The following CACNA1E variants were observed in gnomAD, a reference collection of about 807,000 sequenced individuals.
CACNA1E encodes the protein calcium voltage-gated channel subunit alpha1 E.
CACNA1E carries 40 observed loss-of-function variants against 259.2 expected under a neutral mutation model. The ratio of observed to expected loss-of-function variants is 0.15; its 90% CI spans 0.12 to 0.20. The LOEUF (loss-of-function observed/expected upper bound fraction) is 0.20. Among genes scored for constraint, CACNA1E ranks in the 10% least tolerant of loss-of-function variants. The pLI, the probability that CACNA1E is intolerant of heterozygous loss-of-function variation, is 1.00. For synonymous variants in CACNA1E, 1,104 were observed against 1,138.5 expected, an observed-to-expected ratio of 0.97 and a Z score of 0.61; for missense variants, 1,874 against 3,040.1, an observed-to-expected ratio of 0.62 and a Z score of 9.02.
intron 25 of CACNA1E, among the ~76,000 whole-genome samples, chr1:181,740,478 G>A (rs1287627162): frequency 1.3e-5 from 2 of 152,054 alleles, no homozygotes; most frequent in Non-Finnish European, 1.5e-5. Context: ...AAAAACAGGT[G>A]GGATAAAAAT....
chr1:181,482,145 G>C (rs549998734), upstream of CACNA1E, among the ~76,000 whole-genome samples: 36 of 152,346 alleles, frequency 2.4e-4, no homozygotes, highest in Admixed American at 1.0e-3. Flanking sequence ...GATGGGGAGA[G>C]GGTTCTGCCC....
chr1:181,540,048 C>T (rs1432359717), intron 3 of CACNA1E, among the ~76,000 whole-genome samples: 2 of 152,142 alleles, frequency 1.3e-5, no homozygotes, highest in Non-Finnish European at 2.9e-5. Flanking sequence ...ATGAACACCT[C>T]CTATTTGGGT....
chr1:181,331,022 G>A (rs780555891), intron 1 of CACNA1E, among the ~76,000 whole-genome samples: 9 of 152,310 alleles, frequency 5.9e-5, no homozygotes, highest in Non-Finnish European at 1.2e-4. Flanking sequence ...CATAGTACCT[G>A]TGGCTGGCCC....
chr1:181,595,057 ATT>A (rs2103038610), intron 6 of CACNA1E, among the ~76,000 whole-genome samples: 2 of 152,356 alleles, frequency 1.3e-5, no homozygotes, highest in East Asian at 3.9e-4. Context: ...TATTCAAAAT[ATT>A]GTTAGGATAT....
chr1:181,639,345 A>C (rs1426780959), intron 6 of CACNA1E, among the ~76,000 whole-genome samples: 1 of 152,166 alleles, frequency 6.6e-6, no homozygotes, highest in Admixed American at 6.5e-5. Context: ...ACCTTGGCCT[A>C]CCAAAGTGCT....
At chr1:181,779,224 A>C (rs1463840408) in intron 38 of CACNA1E, among the ~76,000 whole-genome samples, 1 of 152,202 alleles carries the variant, frequency 6.6e-6, no homozygotes, top group Non-Finnish European at 1.5e-5. Flanking sequence ...TTTGGCATTG[A>C]CCAGGCTCTG....
chr1:181,784,622 TG>T, intron 40 of CACNA1E, 38 bp from the exon 41 acceptor site: 1 of 1,373,390 alleles, frequency 7.3e-7, no homozygotes, highest in Non-Finnish European at 1.0e-6. Flanking sequence ...TGGTTATTTC[TG>T]GGTCTATTCT....
chr1:181,426,098 T>G (rs1411435954), intron 2 of CACNA1E, among the ~76,000 whole-genome samples: 3 of 152,006 alleles, frequency 2.0e-5, no homozygotes, highest in Non-Finnish European at 2.9e-5. Flanking sequence ...GGGACAGTGC[T>G]CCTGGTGTGG....
In CACNA1E at chr1:181,804,509, T is replaced by C. The variant is rs1179785329; in HGVS notation, c.*5675T>C. 6.6e-6 allele frequency: 1 copy of C among 152,206 alleles called. No individual in the cohort carries two copies. The highest frequency in any genetic ancestry group is 2.4e-5 in the African/African-American group (1 of 41,460). The allele number at this position is 152,206 out of a possible 1,614,324, so 9.4% of individuals were successfully genotyped here. A position where few individuals can be genotyped will look rare whatever the true frequency, so the allele number is the denominator to read the frequency against. On this transcript the variant is annotated 3_prime_UTR_variant, in exon 48 of 48. Transcript: ENST00000367573. ...CAGGACATCTTTAACCAATACAAAA[T>C]TTATGTCTTAAGAAGATAATTTTTA...
At chr1:181,788,460 G>T (rs886464103) in intron 43 of CACNA1E, among the ~76,000 whole-genome samples, 12 of 152,176 alleles carry the variant, frequency 7.9e-5, no homozygotes, top group Non-Finnish European at 1.5e-4. Flanking sequence ...AAGAAAAGTT[G>T]CATTTTCAGT....
Position 181,718,164 on chromosome 1 carries a change from T to A in CACNA1E, c.1635T>A (p.Phe545Leu). ...ACTCTTCATTCAACTGCTTTGATTT[T>A]GGGGTAAGTCCTCGGAAGCCTGCCT... ...YFHSSFNCFD[F>L]GVTVGSIFEV... The change falls in exon 12 of 48, where the codon TTT becomes TTA. Residue 545 changes from phenylalanine (F) to leucine (L), a missense_variant. Physicochemically the swap from Phe to Leu is conservative, Grantham distance 22 (BLOSUM62 0). This residue lies in a region of CACNA1E where 102 missense variants were observed against 279.4 expected (regional missense o/e 0.37). Transcript: ENST00000367573. 6.4e-7 allele frequency: 1 copy of A among 1,568,986 alleles called. No homozygotes were observed. Among genetic ancestry groups the A allele is most frequent in the Non-Finnish European group, 8.8e-7 (1 of 1,140,028 alleles).
intron 1 of CACNA1E, among the ~76,000 whole-genome samples, chr1:181,321,616 C>A (rs192278766): frequency 5.9e-5 from 9 of 152,306 alleles, no homozygotes; most frequent in African/African-American, 2.2e-4. Context: ...TTGGGTCCCT[C>A]AGATCCTCTC....
At chr1:181,566,628 G>T (rs563829940) in intron 3 of CACNA1E, among the ~76,000 whole-genome samples, 1 of 152,184 alleles carries the variant, frequency 6.6e-6, no homozygotes, top group Admixed American at 6.5e-5. Flanking sequence ...TGAGATGAAG[G>T]CTTCCTTTGG....
chr1:181,586,279 T>C (rs1438557294), intron 6 of CACNA1E, among the ~76,000 whole-genome samples: 1 of 152,202 alleles, frequency 6.6e-6, no homozygotes, highest in Non-Finnish European at 1.5e-5. Flanking sequence ...AAATTTGCCA[T>C]GCTCATTTGA....
intron 6 of CACNA1E, among the ~76,000 whole-genome samples, chr1:181,603,585 C>T (rs12121075): frequency 0.69 from 103,670 of 150,422 alleles, 38,729 homozygotes; most frequent in East Asian, 0.95. Context: ...CCCAACACTG[C>T]ACCTACCCGG....
At chr1:181,396,140 G>A (rs1048965245) in intron 1 of CACNA1E, among the ~76,000 whole-genome samples, 1 of 152,186 alleles carries the variant, frequency 6.6e-6, no homozygotes, top group Non-Finnish European at 1.5e-5. Flanking sequence ...GGCCATCTGA[G>A]TGGCCTCATG....
chr1:181,318,667 C>T (rs988988639), intron 1 of CACNA1E, among the ~76,000 whole-genome samples: 2 of 152,298 alleles, frequency 1.3e-5, no homozygotes, highest in Middle Eastern at 3.4e-3. Context: ...GGGGAGGGCG[C>T]GCGGGCCAGT....
At chr1:181,358,684 C>T (rs1469984268) in intron 1 of CACNA1E, among the ~76,000 whole-genome samples, 1 of 152,116 alleles carries the variant, frequency 6.6e-6, no homozygotes, top group Non-Finnish European at 1.5e-5. Flanking sequence ...ATCTGGCCAT[C>T]ACAGAGCTGT....
At chr1:181,372,809 A>AATATATATAT (rs147359778) in intron 1 of CACNA1E, among the ~76,000 whole-genome samples, 1 of 143,642 alleles carries the variant, frequency 7.0e-6, no homozygotes, top group Non-Finnish European at 1.5e-5. Flanking sequence ...AGGGATGTTG[A>AATATATATAT]ATATATATAT....
Sources: allele counts gnomAD v4.1 joint callset (sites outside exome capture counted in the v4.1 genomes callset), GRCh38; gene constraint gnomAD v4.1.1; regional missense constraint gnomAD v4.1.1; transcripts MANE v1.5; gene names NCBI Gene and HGNC (gene_info 2026-07-23, HGNC 2026-07-21).